The following CYP4Z1 variants were observed in gnomAD, a reference collection of about 807,000 sequenced individuals.
CYP4Z1 encodes cytochrome P450 family 4 subfamily Z member 1, also known as cytochrome P450 4Z1.
Under a neutral mutation model 54.2 loss-of-function variants are expected in CYP4Z1, and 41 were observed. The observed-to-expected ratio is 0.76, with a 90% CI of 0.59 to 0.98. CYP4Z1 has a LOEUF of 0.98. Ranked by LOEUF, CYP4Z1 falls within the 50% of genes least tolerant of loss-of-function variation. CYP4Z1 has a pLI of 0.00. For synonymous variants in CYP4Z1, 163 were observed against 206.2 expected, an observed-to-expected ratio of 0.79 and a Z score of 1.79; for missense variants, 513 against 599.0, an observed-to-expected ratio of 0.86 and a Z score of 1.50.
chr1:47,105,661 G>A (rs1016006998), intron 8 of CYP4Z1, among the ~76,000 whole-genome samples: 6 of 152,156 alleles, frequency 3.9e-5, no homozygotes, highest in African/African-American at 2.4e-5. Flanking sequence ...TATTTGAAGT[G>A]TAATTATCTA....
At chr1:47,089,415 C>T (rs1336429283) in intron 6 of CYP4Z1, among the ~76,000 whole-genome samples, 1 of 151,652 alleles carries the variant, frequency 6.6e-6, no homozygotes, top group Non-Finnish European at 1.5e-5. Flanking sequence ...AATTTTACAA[C>T]CAGAATTCCA....
At position 47,095,531 on chromosome 1, in the gene CYP4Z1, A is replaced by C. The variant is rs377558114; in HGVS notation, c.876+862A>C. Reference sequence around the variant, plus strand: ...AAAATTAGATTATATGTGTAAAGATACTGACATGTGGTGAGAAAAACAATA... The same window carrying C: ...AAAATTAGATTATATGTGTAAAGATCCTGACATGTGGTGAGAAAAACAATA... On this transcript the variant is annotated intron_variant, in intron 7 of 11. Transcript: ENST00000334194. 5.0e-3 allele frequency among the ~76,000 whole-genome samples: 764 copies of C among 152,332 alleles called. 8 individuals are homozygous for C. Among genetic ancestry groups the C allele is most frequent in the African/African-American group, 0.017 (702 of 41,552 alleles).
chr1:47,078,682 G>C (rs1644542840), intron 2 of CYP4Z1, among the ~76,000 whole-genome samples: 1 of 130,724 alleles, frequency 7.6e-6, no homozygotes, highest in Non-Finnish European at 1.6e-5. Context: ...AAAAAGGTAG[G>C]AAAGAAAATA....
In CYP4Z1 at chr1:47,068,620, A is replaced by G. The variant is rs1421521878; in HGVS notation, c.178-2A>G. ...AACCAGTCATGACTTATCTTATGAC[A>G]GTTTTACCCAGTAAAGGAGTTTGAG... On this transcript the variant is annotated splice_acceptor_variant, in intron 1 of 11. Transcript: ENST00000334194. LOFTEE classifies it high-confidence loss of function. 1 of 1,613,894 alleles carries G rather than the reference A, an allele frequency of 6.2e-7. No homozygotes were observed. The highest frequency in any genetic ancestry group is 1.1e-5 in the South Asian group (1 of 91,018).
chr1:47,057,335 A>AAAAAAAT, the CYP4Z1 span, among the ~76,000 whole-genome samples: 9 of 28,488 alleles, frequency 3.2e-4, no homozygotes, highest in African/African-American at 7.3e-4. Flanking sequence ...AAGAAAAAAA[A>AAAAAAAT]ATATATATAT....
Position 47,099,097 on chromosome 1 carries a change from G to A in CYP4Z1, c.880G>A (p.Glu294Lys), listed in dbSNP as rs754866665. 1.1e-5 allele frequency: 17 copies of A among 1,613,834 alleles called. No individual in the cohort carries two copies. The highest frequency in any genetic ancestry group is 4.5e-5 in the East Asian group (2 of 44,870). The stretch of plus-strand genomic sequence containing the variant: ...AGATCATCACTGTATTTTTTAGAGC[G>A]AAAACACCAAAGATTTCTCTGAAGC... ...FLDILLSAKS[E>K]NTKDFSEADL... Residue 294 changes from glutamate to lysine, a missense_variant, in exon 8 of 12, where the codon GAA becomes AAA. By Grantham distance (56) the Glu-to-Lys change is moderately conservative. Coordinates refer to ENST00000334194, the MANE Select transcript of CYP4Z1 (RefSeq NM_178134.3).
At chr1:47,079,246 G>A (rs574366725) in intron 2 of CYP4Z1, among the ~76,000 whole-genome samples, 5 of 152,164 alleles carry the variant, frequency 3.3e-5, no homozygotes, top group Non-Finnish European at 7.4e-5. Flanking sequence ...GGAGAGGGAT[G>A]TGGGGCAAGG....
chr1:47,081,976 C>G (rs546456894), intron 3 of CYP4Z1, among the ~76,000 whole-genome samples: 139 of 150,082 alleles, frequency 9.3e-4, no homozygotes, highest in African/African-American at 3.4e-3. Context: ...GTCCTTGATT[C>G]TACTTCAACA....
chr1:47,063,211 C>T (rs1644433016), upstream of CYP4Z1, among the ~76,000 whole-genome samples: 2 of 152,092 alleles, frequency 1.3e-5, no homozygotes, highest in Admixed American at 1.3e-4. Context: ...CAAGGGAGCA[C>T]CCCTTGGGAC....
intron 6 of CYP4Z1, among the ~76,000 whole-genome samples, chr1:47,087,202 T>G (rs1204746060): frequency 1.3e-5 from 2 of 152,204 alleles, no homozygotes; most frequent in Non-Finnish European, 2.9e-5. Flanking sequence ...CATATGAACT[T>G]TAAAGTAGTT....
intron 9 of CYP4Z1, among the ~76,000 whole-genome samples, chr1:47,114,298 G>C (rs1038384737): frequency 7.9e-5 from 12 of 152,060 alleles, no homozygotes; most frequent in African/African-American, 2.9e-4. Flanking sequence ...ATTAATTCAA[G>C]ATGGATTAAA....
chr1:47,091,393 A>G (rs1231032431), intron 6 of CYP4Z1, among the ~76,000 whole-genome samples: 3 of 144,024 alleles, frequency 2.1e-5, no homozygotes, highest in African/African-American at 8.4e-5. Flanking sequence ...CTCATGGAAG[A>G]AAAACTGAGG....
chr1:47,098,095 G>A lies in CYP4Z1; in HGVS notation c.877-999G>A, dbSNP rs187403548. Among the ~76,000 whole-genome samples, 81 of 152,178 alleles carry A rather than the reference G, an allele frequency of 5.3e-4. 1 individual carries two copies. The highest frequency in any genetic ancestry group is 3.4e-3 in the Middle Eastern group (1 of 294). ...GCCTTCCAAAGTGCTGGGATTACAA[G>A]CGTGAGCCGCTGCACCCAGCCCCAT... On this transcript the variant is annotated intron_variant, in intron 7 of 11. Coordinates refer to ENST00000334194, the MANE Select transcript of CYP4Z1 (RefSeq NM_178134.3).
chr1:47,103,849 G>A (rs1644738226), intron 8 of CYP4Z1, among the ~76,000 whole-genome samples: 3 of 152,032 alleles, frequency 2.0e-5, no homozygotes, highest in Admixed American at 1.3e-4. Flanking sequence ...TCCTGCCTCT[G>A]CCTCCCAAAG....
At position 47,068,688 on chromosome 1, in the gene CYP4Z1, T is replaced by C. The variant is rs1439902652; in HGVS notation, c.244T>C (p.Leu82=). Residue 82 remains leucine, a synonymous_variant, in exon 2 of 12, where the codon TTG becomes CTG. Transcript: ENST00000334194. ...GGAAAAATACCCATGTGCTGTTCCC[T>C]TGTGGGTTGGACCCTTTACGATGTT... ...LMEKYPCAVP[L]WVGPFTMFFS... is the part of the protein sequence containing the mutation. 6.2e-7 allele frequency: 1 copy of C among 1,614,048 alleles called. No homozygotes were observed. The highest frequency in any genetic ancestry group is 8.5e-7 in the Non-Finnish European group (1 of 1,180,020).
chr1:47,072,847 C>T (rs1267595691), intron 2 of CYP4Z1, among the ~76,000 whole-genome samples: 5 of 148,186 alleles, frequency 3.4e-5, no homozygotes, highest in African/African-American at 7.5e-5. Context: ...AATTCAGACA[C>T]TACAAGATCC....
intron 6 of CYP4Z1, among the ~76,000 whole-genome samples, chr1:47,085,188 G>T (rs1192060070): frequency 6.6e-6 from 1 of 152,176 alleles, no homozygotes; most frequent in African/African-American, 2.4e-5. Context: ...TTTAATGTTT[G>T]GTGTTAGAAC....
At chr1:47,079,992 G>C (rs1341892030) in intron 2 of CYP4Z1, among the ~76,000 whole-genome samples, 2 of 151,960 alleles carry the variant, frequency 1.3e-5, no homozygotes, top group Non-Finnish European at 2.9e-5. Flanking sequence ...TGCAGAAAGT[G>C]AATCTCATGT....
chr1:47,089,504 AAT>A (rs1405104736), intron 6 of CYP4Z1, among the ~76,000 whole-genome samples: 1 of 152,090 alleles, frequency 6.6e-6, no homozygotes, highest in East Asian at 1.9e-4. Context: ...CTTTTATGTT[AAT>A]GTTTCTGGTA....
Sources: allele counts gnomAD v4.1 joint callset (sites outside exome capture counted in the v4.1 genomes callset), GRCh38; gene constraint gnomAD v4.1.1; transcripts MANE v1.5; gene names NCBI Gene and HGNC (gene_info 2026-07-23, HGNC 2026-07-21).